CTNNA3: variants seen among roughly 807,000 people sequenced by gnomAD.
The protein encoded by CTNNA3 is catenin alpha 3, also known as catenin alpha-3.
Under a neutral mutation model 95.7 loss-of-function variants are expected in CTNNA3, and 76 were observed. The observed-to-expected ratio is 0.79, with a 90% confidence interval of 0.66 to 0.96. The LOEUF (loss-of-function observed/expected upper bound fraction) is 0.96, where lower values mean the gene tolerates loss of function less well. Ranked by LOEUF, CTNNA3 falls within the 40% of genes least tolerant of loss-of-function variation. The pLI, the probability that CTNNA3 is intolerant of heterozygous loss-of-function variation, is 0.00. For synonymous variants in CTNNA3, 431 were observed against 374.4 expected, an observed-to-expected ratio of 1.15 and a Z score of -1.74; for missense variants, 1,191 against 1,089.8, an observed-to-expected ratio of 1.09 and a Z score of -1.31.
chr10:66,574,817 C>T (rs1285181280), intron 10 of CTNNA3, among the ~76,000 whole-genome samples: 1 of 152,124 alleles, frequency 6.6e-6, no homozygotes, highest in Non-Finnish European at 1.5e-5. Flanking sequence ...ATGCCATAGC[C>T]TATGCTCAAA....
At chr10:67,344,578 G>A (rs1257853682) in intron 5 of CTNNA3, among the ~76,000 whole-genome samples, 1 of 151,910 alleles carries the variant, frequency 6.6e-6, no homozygotes, top group Non-Finnish European at 1.5e-5. Context: ...ATCTTGATAG[G>A]TTGTATGTGT....
At chr10:66,019,046 TTA>T (rs748965856) in intron 15 of CTNNA3, among the ~76,000 whole-genome samples, 1 of 152,160 alleles carries the variant, frequency 6.6e-6, no homozygotes, top group African/African-American at 2.4e-5. Context: ...ATGAAGCATT[TTA>T]TATTTTAACC....
chr10:66,994,417 G>A (rs1423654965), intron 7 of CTNNA3, among the ~76,000 whole-genome samples: 1 of 152,164 alleles, frequency 6.6e-6, no homozygotes, highest in Non-Finnish European at 1.5e-5. Context: ...GAAGCTCAGT[G>A]TGAGTCTCTT....
At chr10:66,686,366 G>C (rs151094478) in intron 9 of CTNNA3, among the ~76,000 whole-genome samples, 3 of 152,296 alleles carry the variant, frequency 2.0e-5, no homozygotes, top group Non-Finnish European at 2.9e-5. Context: ...GGGAGGCTGA[G>C]GTAGGAGGAT....
intron 10 of CTNNA3, among the ~76,000 whole-genome samples, chr10:66,563,909 C>CT (rs1332654674): frequency 2.0e-5 from 3 of 152,124 alleles, no homozygotes. Flanking sequence ...CACCTCCCCA[C>CT]TTTGAGTTAT....
intron 3 of CTNNA3, among the ~76,000 whole-genome samples, chr10:67,570,341 T>C (rs1589438528): frequency 6.6e-6 from 1 of 152,058 alleles, no homozygotes; most frequent in East Asian, 1.9e-4. Context: ...GGAGAGCTTC[T>C]TCATTCTCAT....
chr10:67,064,327 C>T (rs1252454907), intron 7 of CTNNA3, among the ~76,000 whole-genome samples: 1 of 152,076 alleles, frequency 6.6e-6, no homozygotes. Context: ...TCATTTTCTA[C>T]AATGATCCAT....
intron 15 of CTNNA3, among the ~76,000 whole-genome samples, chr10:66,018,940 A>G (rs1355258021): frequency 6.7e-6 from 1 of 149,290 alleles, no homozygotes; most frequent in Non-Finnish European, 1.5e-5. Flanking sequence ...TATAAAGAAA[A>G]CTTGTTTCCA....
chr10:67,467,963 A>G (rs1909665), intron 5 of CTNNA3, among the ~76,000 whole-genome samples: 43,527 of 151,212 alleles, frequency 0.29, 10,650 homozygotes, highest in African/African-American at 0.67. Context: ...TGCCATCCTC[A>G]GACTCCCAAA....
intron 6 of CTNNA3, 62 bp from the exon 7 acceptor site, chr10:67,180,582 A>C (rs1862489102): frequency 7.2e-7 from 1 of 1,384,190 alleles, no homozygotes; most frequent in South Asian, 1.2e-5. Flanking sequence ...ATGAAAAACA[A>C]ATGTTATTTT....
At chr10:66,103,728 G>C (rs1250686848) in intron 13 of CTNNA3, among the ~76,000 whole-genome samples, 2 of 152,124 alleles carry the variant, frequency 1.3e-5, no homozygotes, top group African/African-American at 4.8e-5. Context: ...AGGGGAAAGG[G>C]GAAATGGGCA....
intron 11 of CTNNA3, among the ~76,000 whole-genome samples, chr10:66,498,318 G>A (rs16923187): frequency 0.082 from 12,455 of 151,920 alleles, 1,197 homozygotes; most frequent in East Asian, 0.32. Flanking sequence ...CTTCTTACAC[G>A]TGGGTCACTG....
chr10:67,409,745 A>G (rs1013954247), intron 5 of CTNNA3, among the ~76,000 whole-genome samples: 1 of 152,172 alleles, frequency 6.6e-6, no homozygotes, highest in Non-Finnish European at 1.5e-5. Context: ...TCTGGAACTT[A>G]AAATAAAAGT....
intron 7 of CTNNA3, among the ~76,000 whole-genome samples, chr10:67,051,527 T>C (rs973359054): frequency 1.3e-5 from 2 of 151,080 alleles, no homozygotes; most frequent in African/African-American, 4.9e-5. Context: ...TGGTGCAATC[T>C]CGGCTCACTG....
At chr10:66,118,537 T>C (rs536378436) in intron 13 of CTNNA3, among the ~76,000 whole-genome samples, 117 of 152,318 alleles carry the variant, frequency 7.7e-4, no homozygotes, top group African/African-American at 2.7e-3. Context: ...TTTGGAATAA[T>C]CTTTTCTTCC....
chr10:66,752,070 C>T (rs1341437955), intron 9 of CTNNA3, among the ~76,000 whole-genome samples: 14 of 152,082 alleles, frequency 9.2e-5, no homozygotes, highest in Non-Finnish European at 1.9e-4. Flanking sequence ...TTAATCTTAA[C>T]AATAGTTGTG....
At chr10:65,930,346 G>T (rs1378070852) in intron 17 of CTNNA3, among the ~76,000 whole-genome samples, 2 of 151,972 alleles carry the variant, frequency 1.3e-5, no homozygotes, top group East Asian at 3.9e-4. Flanking sequence ...AGCCCAAGTT[G>T]TTACCATCCT....
At chr10:67,183,080 C>T (rs917016827) in intron 6 of CTNNA3, among the ~76,000 whole-genome samples, 5 of 152,342 alleles carry the variant, frequency 3.3e-5, no homozygotes, top group Non-Finnish European at 7.3e-5. Flanking sequence ...AACACTTTTA[C>T]ACTGTTGGTG....
chr10:67,170,214 A>G (rs1398557106), intron 7 of CTNNA3, among the ~76,000 whole-genome samples: 1 of 152,218 alleles, frequency 6.6e-6, no homozygotes, highest in African/African-American at 2.4e-5. Flanking sequence ...CAGTATGGTA[A>G]TTCCTCAAAG....
Sources: gnomAD v4.1 joint callset for allele counts (sites outside exome capture counted in the v4.1 genomes callset) on GRCh38, gnomAD v4.1.1 for gene constraint, MANE v1.5 for transcripts, NCBI Gene and HGNC (gene_info 2026-07-23, HGNC 2026-07-21) for gene names.